BTBD8: variants seen among roughly 807,000 people sequenced by gnomAD.
BTBD8 encodes the protein BTB/POZ domain-containing protein 8.
A neutral mutation model predicts 162.9 loss-of-function variants in BTBD8; 110 were observed. That is an observed-to-expected ratio of 0.68 (90% confidence interval 0.58 to 0.79). The LOEUF (loss-of-function observed/expected upper bound fraction) is 0.79. Ranked by LOEUF, BTBD8 falls within the 30% of genes least tolerant of loss-of-function variation. BTBD8 has a pLI of 0.00. For missense variants in BTBD8, 1,905 were observed against 2,085.4 expected (o/e 0.91, Z 1.68); for synonymous variants, 667 against 716.1 (o/e 0.93, Z 1.10).
intron 9 of BTBD8, among the ~76,000 whole-genome samples, chr1:92,156,187 A>G (rs1650155390): frequency 2.0e-5 from 3 of 152,086 alleles, no homozygotes; most frequent in African/African-American, 7.2e-5. Flanking sequence ...TAATCATTTG[A>G]CTTCTGTCTA....
chr1:92,171,624 G>A (rs1264504671), intron 13 of BTBD8, among the ~76,000 whole-genome samples, 164 bp downstream of exon 13: 2 of 152,082 alleles, frequency 1.3e-5, no homozygotes, highest in Non-Finnish European at 2.9e-5. Flanking sequence ...TTTAATAAAT[G>A]TTTTAAAGTG....
chr1:92,151,519 G>A (rs892514523), intron 9 of BTBD8, among the ~76,000 whole-genome samples: 1 of 152,062 alleles, frequency 6.6e-6, no homozygotes, highest in African/African-American at 2.4e-5. Flanking sequence ...ATTTCCTAAT[G>A]TAGTAGTAGT....
At chr1:92,100,082 C>G (rs914247347) in intron 2 of BTBD8, among the ~76,000 whole-genome samples, 27 of 152,108 alleles carry the variant, frequency 1.8e-4, no homozygotes, top group Admixed American at 4.6e-4. Context: ...TGGGCTTTGT[C>G]AAATGATTTT....
intron 9 of BTBD8, among the ~76,000 whole-genome samples, chr1:92,164,526 C>G (rs1650341422): frequency 6.6e-6 from 1 of 151,842 alleles, no homozygotes; most frequent in Admixed American, 6.6e-5. Flanking sequence ...GACTGAGGCA[C>G]AAAAATTGCT....
At chr1:92,131,239 G>T (rs1649507732) in intron 5 of BTBD8, among the ~76,000 whole-genome samples, 3 of 152,164 alleles carry the variant, frequency 2.0e-5, no homozygotes, top group South Asian at 4.1e-4. Context: ...TGTATAAAGA[G>T]AAATTAAACT....
chr1:92,179,277 A>T lies in BTBD8; in HGVS notation c.2581+826A>T, dbSNP rs475034. ...AAAAAAAAAATTGATAATGATAATA[A>T]TAGTGCAGTCTAAACAACTATAATA... is the stretch of plus-strand genomic sequence containing the variant. On this transcript the variant is annotated intron_variant, in intron 16 of 17. Coordinates refer to ENST00000636805, the MANE Select transcript of BTBD8 (RefSeq NM_001376131.1). Among the ~76,000 whole-genome samples, 3 of 151,962 alleles carry T rather than the reference A, an allele frequency of 2.0e-5. No individual in the cohort carries two copies. In the East Asian group the frequency reaches 5.8e-4, roughly 29 times the overall value.
intron 13 of BTBD8, among the ~76,000 whole-genome samples, chr1:92,173,141 T>A (rs1650601180): frequency 6.6e-6 from 1 of 152,312 alleles, no homozygotes; most frequent in East Asian, 1.9e-4. Flanking sequence ...TTCAGGCTGG[T>A]CTCGAACTCC....
At chr1:92,130,185 C>T (rs1365954314) in intron 5 of BTBD8, among the ~76,000 whole-genome samples, 1 of 152,026 alleles carries the variant, frequency 6.6e-6, no homozygotes, top group African/African-American at 2.4e-5. Flanking sequence ...TATGGTATTT[C>T]TTCTTATAAG....
intron 7 of BTBD8, among the ~76,000 whole-genome samples, chr1:92,142,000 G>A (rs1184934654): frequency 3.9e-5 from 6 of 152,142 alleles, no homozygotes; most frequent in African/African-American, 1.4e-4. Context: ...GTTTTGGGTA[G>A]GTCTTTTTCT....
Position 92,169,304 on chromosome 1 carries a change from A to G in BTBD8, c.1573+309A>G, listed in dbSNP as rs115615799. Among the ~76,000 whole-genome samples the G allele has an allele frequency of 4.2e-3, 645 of 152,342 alleles. 6 individuals are homozygous for G. The highest frequency in any genetic ancestry group is 0.015 in the African/African-American group (614 of 41,586). ...AGAGATTAAAAGTGTAAGAAAATGT[A>G]ACCCACATAGAACAGAGTATCGAAC... is the stretch of plus-strand genomic sequence containing the variant. On this transcript the variant is annotated intron_variant, in intron 12 of 17. Transcript: ENST00000636805.
intron 2 of BTBD8, among the ~76,000 whole-genome samples, chr1:92,092,342 T>G (rs4658289): frequency 0.67 from 100,988 of 150,370 alleles, 34,501 homozygotes; most frequent in East Asian, 0.97. Context: ...GCAGAGTAGT[T>G]AGCTGAGATC....
chr1:92,097,229 C>A (rs1648476595), intron 2 of BTBD8, among the ~76,000 whole-genome samples: 1 of 152,036 alleles, frequency 6.6e-6, no homozygotes, highest in Non-Finnish European at 1.5e-5. Flanking sequence ...ATTTTCTCCC[C>A]CGCCTAAAAA....
chr1:92,152,621 T>C (rs754052149), intron 9 of BTBD8, among the ~76,000 whole-genome samples: 2 of 151,996 alleles, frequency 1.3e-5, no homozygotes, highest in East Asian at 3.9e-4. Flanking sequence ...AAAGATAGAT[T>C]GGGAGGGATT....
intron 9 of BTBD8, among the ~76,000 whole-genome samples, chr1:92,159,903 TG>T (rs1213526030): frequency 6.6e-6 from 1 of 152,186 alleles, no homozygotes; most frequent in Non-Finnish European, 1.5e-5. Context: ...GGGAGTACTT[TG>T]GGCTTCCTGG....
chr1:92,176,251 A>G (rs549256338), intron 13 of BTBD8, among the ~76,000 whole-genome samples: 10 of 152,324 alleles, frequency 6.6e-5, no homozygotes, highest in African/African-American at 2.4e-4. Context: ...ATGTCCCTCA[A>G]ATTATGCTAT....
At chr1:92,160,424 GTATC>G (rs1017386005) in intron 9 of BTBD8, among the ~76,000 whole-genome samples, 4 of 151,826 alleles carry the variant, frequency 2.6e-5, no homozygotes, top group African/African-American at 9.7e-5. Context: ...GACTCTCTTT[GTATC>G]TGCACATTTC....
At chr1:92,085,774 T>C (rs924673684) in intron 1 of BTBD8, among the ~76,000 whole-genome samples, 59 of 152,136 alleles carry the variant, frequency 3.9e-4, no homozygotes, top group African/African-American at 1.3e-3. Flanking sequence ...ATTCCTGTAA[T>C]CCCAGCACTT....
chr1:92,175,685 A>G, intron 13 of BTBD8, among the ~76,000 whole-genome samples: 1 of 151,440 alleles, frequency 6.6e-6, no homozygotes, highest in East Asian at 2.0e-4. Context: ...AGTCCCAGCT[A>G]CTCAGGAGGC....
In BTBD8 at chr1:92,180,335, A is replaced by G. The variant is rs1192833176; in HGVS notation, c.2652A>G (p.Ala884=). The G allele has an allele frequency of 1.3e-6, 2 of 1,551,318 alleles. No homozygotes were observed. The highest frequency in any genetic ancestry group is 1.7e-6 in the Non-Finnish European group (2 of 1,146,856). ...VSSRQSDENV[A]KLDHNTTTEK... Reference sequence around the variant, plus strand: ...CAAGGCAGTCTGATGAAAATGTGGCAAAGTTGGACCACAATACAACTACAG... The same window carrying G: ...CAAGGCAGTCTGATGAAAATGTGGCGAAGTTGGACCACAATACAACTACAG... The change falls in exon 17 of 18, where the codon GCA becomes GCG. Residue 884 remains alanine (A), a synonymous_variant. Transcript: ENST00000636805.
Sources: gnomAD v4.1 joint callset for allele counts (sites outside exome capture counted in the v4.1 genomes callset) on GRCh38, gnomAD v4.1.1 for gene constraint, MANE v1.5 for transcripts, NCBI Gene and HGNC (gene_info 2026-07-23, HGNC 2026-07-21) for gene names.